OTUD7B: variants seen among roughly 807,000 people sequenced by gnomAD.
OTUD7B encodes OTU deubiquitinase 7B, also known as OTU domain-containing protein 7B.
In OTUD7B, 34 loss-of-function variants were observed where a neutral mutation model predicts 82.2. The observed-to-expected ratio is 0.41, with a 90% CI of 0.31 to 0.55. The LOEUF is 0.55. Among genes scored for constraint, OTUD7B ranks in the 20% least tolerant of loss-of-function variants. OTUD7B has a pLI of 0.20. For missense variants in OTUD7B, 944 were observed against 1,062.1 expected (o/e 0.89, Z 1.55); for synonymous variants, 398 against 402.7 (o/e 0.99, Z 0.14).
chr1:149,974,958 A>AG (rs1234124992), intron 2 of OTUD7B, among the ~76,000 whole-genome samples: 5 of 151,822 alleles, frequency 3.3e-5, no homozygotes, highest in Admixed American at 3.3e-4. Context: ...TCAGCCTCCC[A>AG]GGTAGCTGGG....
the OTUD7B span, among the ~76,000 whole-genome samples, chr1:150,026,412 T>C: frequency 6.6e-6 from 1 of 152,364 alleles, no homozygotes; most frequent in African/African-American, 2.4e-5. Flanking sequence ...ACTTTTATTC[T>C]TTGGAGAGAA....
chr1:149,964,677 T>C lies in OTUD7B; in HGVS notation c.605-328A>G, dbSNP rs587668506. Among the ~76,000 whole-genome samples, 14 of 151,988 alleles carry C rather than the reference T, an allele frequency of 9.2e-5. No homozygotes were observed. In the South Asian group the frequency reaches 2.7e-3, roughly 29 times the overall value. ...GGTGTGTTCTTGGCTTACCGCAACT[T>C]CCGCCTCCCATGTTCAAGAGATTCT... is the stretch of plus-strand genomic sequence containing the variant. On this transcript the variant is annotated intron_variant, in intron 5 of 11. Transcript: ENST00000581312.
chr1:149,994,811 C>T (rs1174847348), intron 1 of OTUD7B, among the ~76,000 whole-genome samples: 3 of 152,016 alleles, frequency 2.0e-5, no homozygotes, highest in Admixed American at 6.6e-5. Flanking sequence ...GAAGAGCAAG[C>T]ATTTTCAATT....
chr1:150,041,257 A>G, the OTUD7B span, among the ~76,000 whole-genome samples: 1 of 152,172 alleles, frequency 6.6e-6, no homozygotes, highest in Non-Finnish European at 1.5e-5. Flanking sequence ...AATATGCAAT[A>G]CATTAGTATG....
chr1:150,011,619 C>T (rs1301161727), upstream of OTUD7B, among the ~76,000 whole-genome samples: 2 of 152,168 alleles, frequency 1.3e-5, no homozygotes, highest in Non-Finnish European at 2.9e-5. Context: ...AAGTATTAGG[C>T]CTGTGTGGAC....
chr1:150,003,693 A>G (rs1459398827), intron 1 of OTUD7B, among the ~76,000 whole-genome samples: 6 of 152,170 alleles, frequency 3.9e-5, no homozygotes, highest in Non-Finnish European at 8.8e-5. Context: ...GATGGTGTTT[A>G]CAAGATAGGA....
chr1:149,979,869 A>G, intron 1 of OTUD7B, among the ~76,000 whole-genome samples: 1 of 152,190 alleles, frequency 6.6e-6, no homozygotes. Context: ...AATAACTTAT[A>G]CACATGAATA....
chr1:150,039,208 G>A, the OTUD7B span, among the ~76,000 whole-genome samples: 4 of 151,886 alleles, frequency 2.6e-5, no homozygotes, highest in Non-Finnish European at 5.9e-5. Flanking sequence ...GTCTGTTCTT[G>A]TCTATATTCT....
At chr1:150,004,334 C>T (rs587724932) in intron 1 of OTUD7B, among the ~76,000 whole-genome samples, 2 of 151,996 alleles carry the variant, frequency 1.3e-5, no homozygotes, top group African/African-American at 2.4e-5. Flanking sequence ...CTAAGGTGGG[C>T]GGATCACTTG....
rs1398947542 is a variant in OTUD7B, at chr1:149,949,665, C to T, written c.1087G>A (p.Val363Met). ...AYDQAHFSAL[V>M]SMEQKENTKE... The stretch of plus-strand genomic sequence containing the variant: ...GTATTCTCCTTCTGCTCCATGGACA[C>T]GAGTGCAGAAAAGTGGGCCTGATCA... Residue 363 changes from valine (V) to methionine (M), a missense_variant, in exon 9 of 12, where the codon GTG becomes ATG. Physicochemically the swap from Val to Met is conservative, Grantham distance 21. This residue lies in a region of OTUD7B where 530 missense variants were observed against 625.6 expected (regional missense o/e 0.85). Coordinates refer to ENST00000581312, the MANE Select transcript of OTUD7B (RefSeq NM_020205.4). 3 of 1,613,978 alleles carry T rather than the reference C, an allele frequency of 1.9e-6. No homozygotes were observed. Among genetic ancestry groups the T allele is most frequent in the Non-Finnish European group, 2.5e-6 (3 of 1,180,024 alleles).
At chr1:149,971,307 G>T in intron 2 of OTUD7B, 56 bp from the exon 3 acceptor site, 1 of 1,240,504 alleles carries the variant, frequency 8.1e-7, no homozygotes, top group Non-Finnish European at 1.2e-6. Flanking sequence ...GAGACACAAA[G>T]ATCACACTAA....
chr1:150,032,131 T>G, the OTUD7B span, among the ~76,000 whole-genome samples: 1 of 150,888 alleles, frequency 6.6e-6, no homozygotes, highest in African/African-American at 2.4e-5. Flanking sequence ...GCCAACATGG[T>G]GAAACCCCGT....
At chr1:149,963,230 C>G (rs2101807017) in intron 6 of OTUD7B, 1 of 151,830 alleles carries the variant, frequency 6.6e-6, no homozygotes, top group South Asian at 2.1e-4. Flanking sequence ...AGAGATATTG[C>G]CATACTAAAT....
the OTUD7B span, among the ~76,000 whole-genome samples, chr1:150,032,412 G>T: frequency 4.5e-5 from 6 of 132,676 alleles, no homozygotes; most frequent in Non-Finnish European, 9.3e-5. Context: ...AGGACTGCTT[G>T]AGCCCAGGAG....
At chr1:149,954,082 T>C (rs1354209495) in intron 7 of OTUD7B, among the ~76,000 whole-genome samples, 1 of 152,192 alleles carries the variant, frequency 6.6e-6, no homozygotes, top group Non-Finnish European at 1.5e-5. Context: ...TCTAACACTA[T>C]GTTGAATAGG....
At chr1:149,979,103 G>T (rs1553779198) in intron 1 of OTUD7B, among the ~76,000 whole-genome samples, 6 of 151,642 alleles carry the variant, frequency 4.0e-5, no homozygotes, top group Admixed American at 3.3e-4. Context: ...CATGAGCGCA[G>T]GGACACGATT....
At chr1:149,946,741 G>C (rs1316026583) in intron 11 of OTUD7B, among the ~76,000 whole-genome samples, 7 of 79,520 alleles carry the variant, frequency 8.8e-5, no homozygotes, top group East Asian at 3.4e-4. Flanking sequence ...GACTTCCTCT[G>C]AAAAAAAAAA....
upstream of OTUD7B, among the ~76,000 whole-genome samples, chr1:150,013,975 TATATATACACACAC>T (rs1332184890): frequency 1.0e-4 from 12 of 118,048 alleles, no homozygotes; most frequent in Admixed American, 4.4e-4. Context: ...CACACACACA[TATATATACACACAC>T]ATATATACAC....
intron 1 of OTUD7B, among the ~76,000 whole-genome samples, chr1:149,978,273 G>A (rs369105088): frequency 2.0e-5 from 3 of 152,168 alleles, no homozygotes; most frequent in Non-Finnish European, 2.9e-5. Context: ...TTGGGAGGCC[G>A]AGGCAGGTGT....
Sources: allele counts gnomAD v4.1 joint callset (sites outside exome capture counted in the v4.1 genomes callset), GRCh38; gene constraint gnomAD v4.1.1; regional missense constraint gnomAD v4.1.1; transcripts MANE v1.5; gene names NCBI Gene and HGNC (gene_info 2026-07-23, HGNC 2026-07-21).